APTX: variants seen among roughly 807,000 people sequenced by gnomAD.
APTX encodes aprataxin, also known as forkhead-associated domain histidine triad-like protein.
Under a neutral mutation model 42.3 loss-of-function variants are expected in APTX, and 33 were observed. The ratio of observed to expected loss-of-function variants is 0.78; its 90% CI spans 0.59 to 1.04. The LOEUF is 1.04. Ranked by LOEUF, APTX falls within the 50% of genes least tolerant of loss-of-function variation. The probability of loss-of-function intolerance (pLI) is 0.00; values close to 1 mark genes in which losing one functional copy is unlikely to be tolerated. For missense variants in APTX, 421 were observed against 415.1 expected (o/e 1.01, Z -0.12); for synonymous variants, 130 against 146.7 (o/e 0.89, Z 0.82).
chr9:32,996,554 G>C (rs536773146), intron 1 of APTX, among the ~76,000 whole-genome samples: 2 of 152,174 alleles, frequency 1.3e-5, no homozygotes, highest in South Asian at 4.2e-4. Flanking sequence ...ATTACAGGTA[G>C]GAGCCACACC....
At chr9:32,975,629 G>A (rs1468469916) in intron 6 of APTX, among the ~76,000 whole-genome samples, 1 of 152,180 alleles carries the variant, frequency 6.6e-6, no homozygotes, top group Non-Finnish European at 1.5e-5. Context: ...AACCTAGGAG[G>A]TGGAGGTTGC....
At chr9:33,023,977 G>A (rs1336223428) in intron 1 of APTX, among the ~76,000 whole-genome samples, 1 of 152,186 alleles carries the variant, frequency 6.6e-6, no homozygotes, top group Non-Finnish European at 1.5e-5. Context: ...GCCTTCCCCT[G>A]TGCTTTGTCC....
chr9:32,973,019 A>C lies in APTX; in HGVS notation c.*479T>G. ...ACAAACTAAGCCTCCCCATGAAGGA[A>C]GGGAAAAGAATATTACAAAACAGAC... On this transcript the variant is annotated 3_prime_UTR_variant, in exon 8 of 8. Transcript: ENST00000379817. The C allele has an allele frequency of 2.2e-6, 1 of 454,208 alleles. No individual in the cohort carries two copies. Among genetic ancestry groups the C allele is most frequent in the Non-Finnish European group, 4.4e-6 (1 of 226,824 alleles). The allele number at this position is 454,208 out of a possible 1,614,324, so 28.1% of individuals were successfully genotyped here.
chr9:32,998,886 A>C (rs1384251631), intron 1 of APTX, among the ~76,000 whole-genome samples: 1 of 137,752 alleles, frequency 7.3e-6, no homozygotes, highest in East Asian at 2.0e-4. Flanking sequence ...AAAATTGGTC[A>C]AGCTAAAAAA....
intron 6 of APTX, among the ~76,000 whole-genome samples, chr9:32,981,835 TAAG>T (rs1830743859): frequency 6.6e-6 from 1 of 152,078 alleles, no homozygotes; most frequent in Non-Finnish European, 1.5e-5. Flanking sequence ...TTTCAACTAA[TAAG>T]TTAGGTGAAG....
chr9:32,975,559 C>T (rs917850774), intron 6 of APTX, among the ~76,000 whole-genome samples: 2 of 151,926 alleles, frequency 1.3e-5, no homozygotes, highest in Admixed American at 6.6e-5. Flanking sequence ...ACTAACTGGG[C>T]GTGGTGGCAG....
intron 4 of APTX, among the ~76,000 whole-genome samples, chr9:32,986,868 G>A (rs1394499395): frequency 6.6e-6 from 1 of 152,050 alleles, no homozygotes; most frequent in Non-Finnish European, 1.5e-5. Flanking sequence ...GAGTGCAGTG[G>A]TGCAATCTCA....
chr9:32,978,644 T>C (rs1036959109), intron 6 of APTX, among the ~76,000 whole-genome samples: 2 of 152,160 alleles, frequency 1.3e-5, no homozygotes, highest in Non-Finnish European at 2.9e-5. Flanking sequence ...ATGAAAGAAA[T>C]AAAGCTCAAG....
At chr9:32,987,066 G>A (rs778735147) in intron 4 of APTX, among the ~76,000 whole-genome samples, 15 of 152,044 alleles carry the variant, frequency 9.9e-5, no homozygotes, top group Non-Finnish European at 2.1e-4. Context: ...TGCCCACCTC[G>A]GCCTCCCAAA....
intron 1 of APTX, chr9:33,001,258 C>T: frequency 2.1e-6 from 3 of 1,397,926 alleles, no homozygotes; most frequent in Middle Eastern, 2.7e-4. Context: ...TCCCGACAAG[C>T]TGGGCCGCCT....
At chr9:33,023,923 T>C (rs1188095132) in intron 1 of APTX, among the ~76,000 whole-genome samples, 3 of 151,766 alleles carry the variant, frequency 2.0e-5, no homozygotes, top group Non-Finnish European at 4.4e-5. Flanking sequence ...ATCCAATTAG[T>C]TGCAATTTCC....
At chr9:32,997,757 C>T (rs923225823) in intron 1 of APTX, among the ~76,000 whole-genome samples, 3 of 152,200 alleles carry the variant, frequency 2.0e-5, no homozygotes, top group African/African-American at 7.2e-5. Flanking sequence ...AGAGCCCTGG[C>T]TGAGAAGCTC....
chr9:32,977,360 C>CATAG (rs1174673685), intron 6 of APTX, among the ~76,000 whole-genome samples: 1 of 152,028 alleles, frequency 6.6e-6, no homozygotes, highest in Non-Finnish European at 1.5e-5. Flanking sequence ...GTGGCACACC[C>CATAG]ATAGCCCCAG....
intron 6 of APTX, among the ~76,000 whole-genome samples, chr9:32,974,888 AAAC>A (rs1038263457): frequency 6.6e-6 from 1 of 152,144 alleles, no homozygotes; most frequent in African/African-American, 2.4e-5. Context: ...ACAAATAAAC[AAAC>A]AAAAAAAAAC....
chr9:32,975,012 G>T (rs1829033821), intron 6 of APTX, among the ~76,000 whole-genome samples: 1 of 152,190 alleles, frequency 6.6e-6, no homozygotes, highest in African/African-American at 2.4e-5. Context: ...CATCTCCCGG[G>T]AAGTGATTTG....
At chr9:32,989,223 C>A (rs1832947946) in intron 2 of APTX, among the ~76,000 whole-genome samples, 1 of 152,162 alleles carries the variant, frequency 6.6e-6, no homozygotes, top group South Asian at 2.1e-4. Flanking sequence ...CTTGGGAAAC[C>A]TTGCTGTGGG....
chr9:33,012,998 G>C (rs1213181673), intron 1 of APTX, among the ~76,000 whole-genome samples: 1 of 152,156 alleles, frequency 6.6e-6, no homozygotes, highest in East Asian at 1.9e-4. Context: ...AAAAGGGATT[G>C]TGTCTGTCAC....
At position 32,987,584 on chromosome 9, in the gene APTX, G is replaced by A. The variant is rs368369363; in HGVS notation, c.443C>T (p.Ser148Phe). 3 of 1,613,974 alleles carry A rather than the reference G, an allele frequency of 1.9e-6. No homozygotes were observed. The highest frequency in any genetic ancestry group is 2.7e-5 in the African/African-American group (2 of 74,924). ...ATCTTTTCCCTTCTTTAGGGGCACA[G>A]AGCATTGGCCAGAGTTGCTCCCAGG... The part of the protein sequence containing the change: ...LEPGSNSGQC[S>F]VPLKKGKDAP... The change falls in exon 4 of 8, where the codon TCT becomes TTT. Residue 148 changes from serine (S) to phenylalanine (F), a missense_variant. By Grantham distance (155) the Ser-to-Phe change is radical. Coordinates refer to ENST00000379817, the MANE Select transcript of APTX (RefSeq NM_001195248.2).
chr9:33,021,985 CAATG>C (rs1339790491), intron 1 of APTX, among the ~76,000 whole-genome samples: 1 of 142,616 alleles, frequency 7.0e-6, no homozygotes, highest in African/African-American at 2.6e-5. Context: ...AAAAGGGAAA[CAATG>C]AAAGTACTAG....
Sources: gnomAD v4.1 joint callset for allele counts (sites outside exome capture counted in the v4.1 genomes callset) on GRCh38, gnomAD v4.1.1 for gene constraint, MANE v1.5 for transcripts, NCBI Gene and HGNC (gene_info 2026-07-23, HGNC 2026-07-21) for gene names.